RRAS2: variants seen among roughly 807,000 people sequenced by gnomAD.
The protein encoded by RRAS2 is ras-related protein R-Ras2.
In RRAS2, 7 loss-of-function variants were observed where a neutral mutation model predicts 27.6. The observed-to-expected ratio is 0.25, with a 90% CI of 0.14 to 0.48. RRAS2 has a LOEUF of 0.48. RRAS2 is among the 20% of genes least tolerant of loss of function. The pLI is 0.99. For synonymous variants in RRAS2, 86 were observed against 90.9 expected (o/e 0.95, Z 0.31); for missense variants, 178 against 256.2 (o/e 0.69, Z 2.08).
chr11:14,319,541 G>C (rs1322647139), intron 1 of RRAS2, among the ~76,000 whole-genome samples: 2 of 151,480 alleles, frequency 1.3e-5, no homozygotes, highest in African/African-American at 4.9e-5. Context: ...TGTATTTTTA[G>C]TAGAGACGGG....
chr11:14,300,710 CG>C (rs1847676398), intron 1 of RRAS2, among the ~76,000 whole-genome samples: 1 of 152,088 alleles, frequency 6.6e-6, no homozygotes, highest in Non-Finnish European at 1.5e-5. Context: ...AACAGGAGCT[CG>C]GGCTGGCCTC....
At chr11:14,308,725 G>GC (rs1847886894) in intron 1 of RRAS2, among the ~76,000 whole-genome samples, 1 of 152,160 alleles carries the variant, frequency 6.6e-6, no homozygotes, top group South Asian at 2.1e-4. Flanking sequence ...ACTTTCAAGA[G>GC]TTTTTTACAA....
In RRAS2 at chr11:14,326,519, T is replaced by A. The variant is rs138140533; in HGVS notation, c.109-30664A>T. Among the ~76,000 whole-genome samples the A allele has an allele frequency of 4.4e-3, 675 of 152,268 alleles. 5 individuals are homozygous for A. The highest frequency in any genetic ancestry group is 6.3e-3 in the Non-Finnish European group (430 of 68,000). On this transcript the variant is annotated intron_variant, in intron 1 of 5. Transcript: ENST00000256196. ...AGAAAAGATTGTAAATATACAAACATAAAATAAACAAGTATCACCAATTCT... is the reference window on the plus strand; with the variant it reads ...AGAAAAGATTGTAAATATACAAACAAAAAATAAACAAGTATCACCAATTCT...
intron 1 of RRAS2, among the ~76,000 whole-genome samples, chr11:14,325,779 T>A (rs1229282454): frequency 1.3e-5 from 2 of 152,152 alleles, no homozygotes; most frequent in Admixed American, 6.5e-5. Flanking sequence ...TAAAAAAAAA[T>A]TTAACACACA....
chr11:14,331,341 TAACAAA>T (rs2134010725), intron 1 of RRAS2, among the ~76,000 whole-genome samples: 1 of 152,180 alleles, frequency 6.6e-6, no homozygotes, highest in African/African-American at 2.4e-5. Flanking sequence ...AGTAATGGCT[TAACAAA>T]AACAAAGAGG....
intron 4 of RRAS2, among the ~76,000 whole-genome samples, chr11:14,285,887 T>G (rs1554944960): frequency 6.6e-6 from 1 of 152,196 alleles, no homozygotes; most frequent in African/African-American, 2.4e-5. Context: ...TTACCACTGA[T>G]TTTAAGTGAT....
intron 4 of RRAS2, among the ~76,000 whole-genome samples, chr11:14,292,059 G>C (rs369059209): frequency 1.6e-3 from 243 of 152,268 alleles, no homozygotes; most frequent in African/African-American, 5.8e-3. Context: ...CATGACATCA[G>C]GTGTGAAATT....
At chr11:14,356,437 T>C (rs1169700546) in intron 1 of RRAS2, among the ~76,000 whole-genome samples, 1 of 152,212 alleles carries the variant, frequency 6.6e-6, no homozygotes, top group African/African-American at 2.4e-5. Context: ...TAAACACTGA[T>C]AACACCTACC....
chr11:14,338,493 T>C (rs1848633000), intron 1 of RRAS2, among the ~76,000 whole-genome samples: 2 of 152,230 alleles, frequency 1.3e-5, no homozygotes, highest in Non-Finnish European at 2.9e-5. Context: ...GCTTGACACA[T>C]ATTTTTAATA....
intron 1 of RRAS2, among the ~76,000 whole-genome samples, chr11:14,314,534 A>AT (rs1848050531): frequency 6.6e-6 from 1 of 152,164 alleles, no homozygotes; most frequent in Admixed American, 6.5e-5. Flanking sequence ...TTTCCATTAC[A>AT]TTTTTTTCAA....
intron 1 of RRAS2, among the ~76,000 whole-genome samples, chr11:14,309,314 G>C (rs978025682): frequency 3.3e-5 from 5 of 152,188 alleles, no homozygotes; most frequent in Admixed American, 1.3e-4. Flanking sequence ...ACTGCCACAA[G>C]AATCTTCCCT....
At chr11:14,324,995 G>C (rs1378480578) in intron 1 of RRAS2, among the ~76,000 whole-genome samples, 1 of 152,174 alleles carries the variant, frequency 6.6e-6, no homozygotes, top group South Asian at 2.1e-4. Context: ...AAATCTCTAA[G>C]CACAGCCTGT....
At chr11:14,347,844 A>G (rs2134031819) in intron 1 of RRAS2, among the ~76,000 whole-genome samples, 1 of 138,248 alleles carries the variant, frequency 7.2e-6, no homozygotes, top group Admixed American at 7.8e-5. Context: ...AAGAATATAA[A>G]TAATTTTTAA....
At chr11:14,284,652 T>C (rs533009312) in intron 4 of RRAS2, among the ~76,000 whole-genome samples, 1 of 152,304 alleles carries the variant, frequency 6.6e-6, no homozygotes, top group East Asian at 1.9e-4. Flanking sequence ...CTTAACATCT[T>C]GCTTCAAGAT....
chr11:14,321,437 T>C (rs1554950269), intron 1 of RRAS2, among the ~76,000 whole-genome samples: 1 of 152,122 alleles, frequency 6.6e-6, no homozygotes, highest in African/African-American at 2.4e-5. Flanking sequence ...GAAGTTCTTG[T>C]ATAGGGGTTG....
rs530287514 is a variant in RRAS2, at chr11:14,294,370, G to A, written c.408+101C>T. 7.3e-4 allele frequency: 461 copies of A among 635,634 alleles called. 2 individuals are homozygous for A. The African/African-American group carries it at 0.012, about 17-fold the overall frequency. The allele number at this position is 635,634 out of a possible 1,614,324, so 39.4% of individuals were successfully genotyped here. A position where few individuals can be genotyped will look rare whatever the true frequency, so the allele number is the denominator to read the frequency against. On this transcript the variant is annotated intron_variant, in intron 4 of 5. Transcript: ENST00000256196. ...AAACACTTAAGTGGCATGGAGCACC[G>A]TATTTTTTTTTTACTAGACTTTCAA...
intron 1 of RRAS2, among the ~76,000 whole-genome samples, chr11:14,348,958 T>C (rs782348452): frequency 6.6e-6 from 1 of 152,114 alleles, no homozygotes; most frequent in South Asian, 2.1e-4. Context: ...TATATCTACA[T>C]ACTTCTTTTT....
chr11:14,304,820 T>C (rs1488283846), intron 1 of RRAS2, among the ~76,000 whole-genome samples: 1 of 152,200 alleles, frequency 6.6e-6, no homozygotes, highest in Non-Finnish European at 1.5e-5. Context: ...GGCTCCTCCT[T>C]GTGTCACTTT....
intron 4 of RRAS2, among the ~76,000 whole-genome samples, chr11:14,284,290 G>T (rs1321312584): frequency 6.6e-6 from 1 of 152,026 alleles, no homozygotes; most frequent in Non-Finnish European, 1.5e-5. Context: ...TGACCCAAGG[G>T]TTAGTTGGAA....
Sources: allele counts gnomAD v4.1 joint callset (sites outside exome capture counted in the v4.1 genomes callset), GRCh38; gene constraint gnomAD v4.1.1; transcripts MANE v1.5; gene names NCBI Gene and HGNC (gene_info 2026-07-23, HGNC 2026-07-21).